The following TRAF3IP1 variants were observed in gnomAD, a reference collection of about 807,000 sequenced individuals.
The protein encoded by TRAF3IP1 is intraflagellar transport 54.
Under a neutral mutation model 89.9 loss-of-function variants are expected in TRAF3IP1, and 53 were observed. That is an observed-to-expected ratio of 0.59 (90% CI 0.47 to 0.74). The LOEUF is 0.74. Ranked by LOEUF, TRAF3IP1 falls within the 30% of genes least tolerant of loss-of-function variation. The probability of loss-of-function intolerance (pLI) is 0.00; values close to 1 mark genes in which losing one functional copy is unlikely to be tolerated. For synonymous variants in TRAF3IP1, 311 were observed against 322.1 expected (o/e 0.97, Z 0.37); for missense variants, 806 against 866.1 (o/e 0.93, Z 0.87).
At chr2:238,353,466 G>A (rs945774277) in intron 14 of TRAF3IP1, among the ~76,000 whole-genome samples, 5 of 152,208 alleles carry the variant, frequency 3.3e-5, no homozygotes, top group African/African-American at 1.2e-4. Context: ...CAACTGTCCT[G>A]CAGATGACAT....
At chr2:238,374,425 C>T (rs551661603) in intron 15 of TRAF3IP1, among the ~76,000 whole-genome samples, 3 of 152,224 alleles carry the variant, frequency 2.0e-5, no homozygotes, top group South Asian at 2.1e-4. Context: ...TGATGGATTA[C>T]GTTTATTGAT....
chr2:238,331,220 G>A (rs1698105558), intron 5 of TRAF3IP1, among the ~76,000 whole-genome samples: 1 of 151,784 alleles, frequency 6.6e-6, no homozygotes, highest in Non-Finnish European at 1.5e-5. Context: ...CAGCACTTTG[G>A]GAGGCCGAGG....
intron 8 of TRAF3IP1, among the ~76,000 whole-genome samples, chr2:238,341,187 A>ATTTT (rs11323220): frequency 1.4e-5 from 2 of 140,290 alleles, no homozygotes. Context: ...TGCCTAGCTA[A>ATTTT]TTTTTTTTTT....
At chr2:238,355,869 G>C in intron 14 of TRAF3IP1, 135 bp from the exon 15 acceptor site, 2 of 680,714 alleles carry the variant, frequency 2.9e-6, no homozygotes, top group Non-Finnish European at 5.2e-6. Context: ...AACAAATAAA[G>C]ATTATTTGAA....
chr2:238,321,641 A>T (rs1198129709), intron 1 of TRAF3IP1, among the ~76,000 whole-genome samples: 1 of 152,210 alleles, frequency 6.6e-6, no homozygotes, highest in African/African-American at 2.4e-5. Context: ...ATTGCACAAC[A>T]AACATCCCCT....
intron 9 of TRAF3IP1, among the ~76,000 whole-genome samples, chr2:238,346,687 G>A (rs1246563233): frequency 6.6e-6 from 1 of 152,206 alleles, no homozygotes; most frequent in African/African-American, 2.4e-5. Flanking sequence ...CTGAGGCGGG[G>A]CCGTGTTAAA....
At chr2:238,389,484 A>T (rs1700908613) in intron 15 of TRAF3IP1, among the ~76,000 whole-genome samples, 1 of 151,976 alleles carries the variant, frequency 6.6e-6, no homozygotes, top group Non-Finnish European at 1.5e-5. Flanking sequence ...GCAGTGGCTC[A>T]CATCTGTAAT....
In TRAF3IP1 at chr2:238,351,286, C is replaced by T. The variant is rs980445036; in HGVS notation, c.1452-1541C>T. ...ACAGGAGCACCGTTGGTGAGAGTGG[C>T]GGGTCCAGGAGGACTGGGTGGGACC... On this transcript the variant is annotated intron_variant, in intron 12 of 16. Transcript: ENST00000373327. The surrounding 1 kb of genome is among the most constrained non-coding windows in gnomAD (Gnocchi z 5.2). 4.6e-5 allele frequency among the ~76,000 whole-genome samples: 7 copies of T among 151,996 alleles called. No individual in the cohort carries two copies. Among genetic ancestry groups the T allele is most frequent in the Admixed American group, 1.3e-4 (2 of 15,266 alleles).
chr2:238,358,871 C>G (rs1351156098), intron 15 of TRAF3IP1, among the ~76,000 whole-genome samples: 1 of 152,208 alleles, frequency 6.6e-6, no homozygotes, highest in Non-Finnish European at 1.5e-5. Flanking sequence ...CATGGCTCCT[C>G]TCCATGCCTC....
chr2:238,358,576 C>T (rs1699525046), intron 15 of TRAF3IP1, among the ~76,000 whole-genome samples: 1 of 152,146 alleles, frequency 6.6e-6, no homozygotes, highest in African/African-American at 2.4e-5. Context: ...TTTCCCCCTG[C>T]CCCAGTCCTG....
At chr2:238,372,300 G>A (rs1700142974) in intron 15 of TRAF3IP1, among the ~76,000 whole-genome samples, 1 of 151,882 alleles carries the variant, frequency 6.6e-6, no homozygotes, top group Admixed American at 6.6e-5. Context: ...CCCCCGACAG[G>A]CCCCGGTGTG....
At chr2:238,371,264 C>G (rs534362818) in intron 15 of TRAF3IP1, among the ~76,000 whole-genome samples, 1 of 152,102 alleles carries the variant, frequency 6.6e-6, no homozygotes, top group Non-Finnish European at 1.5e-5. Flanking sequence ...TTGTTGAGAT[C>G]AGGTGTTTTT....
intron 12 of TRAF3IP1, among the ~76,000 whole-genome samples, chr2:238,350,413 A>AT (rs1443768677): frequency 2.0e-5 from 3 of 151,742 alleles, no homozygotes; most frequent in African/African-American, 7.3e-5. Context: ...TCTTAAGGTG[A>AT]TTTTCTGGTA....
chr2:238,333,721 C>T (rs2106370732), intron 6 of TRAF3IP1, among the ~76,000 whole-genome samples: 1 of 152,198 alleles, frequency 6.6e-6, no homozygotes, highest in South Asian at 2.1e-4. Flanking sequence ...GATTGTTGAC[C>T]TTTTTAGGGC....
At position 238,348,867 on chromosome 2, in the gene TRAF3IP1, C is replaced by G. The variant is rs752390394; in HGVS notation, c.1367+19C>G. 2 of 1,609,174 alleles carry G rather than the reference C, an allele frequency of 1.2e-6. No homozygotes were observed. Among genetic ancestry groups the G allele is most frequent in the Admixed American group, 1.7e-5 (1 of 59,970 alleles). On this transcript the variant is annotated intron_variant, in intron 11 of 16. Transcript: ENST00000373327. Reference sequence around the variant, plus strand: ...ACATCAGGTCTGTGTGCTTTGAATCCCTTTCCCTCAGCAGAGTGATCACAC... The same window carrying G: ...ACATCAGGTCTGTGTGCTTTGAATCGCTTTCCCTCAGCAGAGTGATCACAC...
chr2:238,332,804 A>G lies in TRAF3IP1; in HGVS notation c.916-20A>G, dbSNP rs375541872. ...GGATTGGAATAATTCTAAAGTTTGA[A>G]TTTTTTTTTTTTTTAATAGTCAGCA... On this transcript the variant is annotated intron_variant, in intron 5 of 16. Coordinates refer to ENST00000373327, the MANE Select transcript of TRAF3IP1 (RefSeq NM_015650.4). The G allele has an allele frequency of 1.1e-5, 14 of 1,221,324 alleles. No individual in the cohort carries two copies. In the African/African-American group the frequency reaches 1.6e-4, roughly 14 times the overall value. The allele number at this position is 1,221,324 out of a possible 1,614,324, so 75.7% of individuals were successfully genotyped here.
At chr2:238,391,826 C>T (rs977803254) in intron 15 of TRAF3IP1, among the ~76,000 whole-genome samples, 87 of 152,170 alleles carry the variant, frequency 5.7e-4, no homozygotes, top group African/African-American at 2.0e-3. Context: ...AGAGTTAACA[C>T]GATGCCAAAT....
intron 7 of TRAF3IP1, among the ~76,000 whole-genome samples, chr2:238,337,061 C>T (rs72620841): frequency 0.12 from 18,913 of 151,912 alleles, 2,063 homozygotes; most frequent in African/African-American, 0.3. Context: ...GACATGTTGG[C>T]CCCATGCAGG....
At chr2:238,325,787 A>G (rs1697797525) in intron 2 of TRAF3IP1, 22 bp from the exon 3 acceptor site, 1 of 1,604,038 alleles carries the variant, frequency 6.2e-7, no homozygotes, top group Admixed American at 1.7e-5. Flanking sequence ...TAATATTTGT[A>G]TTTTCAATGG....
Sources: gnomAD v4.1 joint callset for allele counts (sites outside exome capture counted in the v4.1 genomes callset) on GRCh38, gnomAD v4.1.1 for gene constraint, Gnocchi (gnomAD v3.1) non-coding constraint, MANE v1.5 for transcripts, NCBI Gene and HGNC (gene_info 2026-07-23, HGNC 2026-07-21) for gene names.